Variants in MRC1 observed in about 807,000 individuals in gnomAD.
MRC1 encodes macrophage mannose receptor 1.
In MRC1, 62 loss-of-function variants were observed where a neutral mutation model predicts 102.9. The observed-to-expected ratio is 0.60, with a 90% CI of 0.49 to 0.74. The LOEUF is 0.74. Among genes scored for constraint, MRC1 ranks in the 30% least tolerant of loss-of-function variants. The pLI is 0.00. For missense variants in MRC1, 1,237 were observed against 862.8 expected, an observed-to-expected ratio of 1.43 and a Z score of -5.43; for synonymous variants, 457 against 298.4, an observed-to-expected ratio of 1.53 and a Z score of -5.48.
intron 4 of MRC1, among the ~76,000 whole-genome samples, chr10:17,834,480 T>G (rs1179002441): frequency 2.0e-5 from 3 of 152,208 alleles, no homozygotes; most frequent in Non-Finnish European, 4.4e-5. Context: ...TGACGCAATC[T>G]CAGCTCACTG....
At chr10:17,871,399 C>T (rs1020182656) in intron 14 of MRC1, among the ~76,000 whole-genome samples, 12 of 152,088 alleles carry the variant, frequency 7.9e-5, no homozygotes, top group South Asian at 4.1e-4. Flanking sequence ...AACACATCAC[C>T]GTGCTTAGTC....
intron 17 of MRC1, among the ~76,000 whole-genome samples, chr10:17,876,840 A>AT (rs1379473992): frequency 2.8e-4 from 42 of 152,088 alleles, no homozygotes; most frequent in African/African-American, 9.9e-4. Flanking sequence ...GGTATAATTT[A>AT]TTTTTTCCAA....
chr10:17,864,295 G>A (rs1457006273), intron 11 of MRC1, among the ~76,000 whole-genome samples: 2 of 152,112 alleles, frequency 1.3e-5, no homozygotes, highest in African/African-American at 2.4e-5. Flanking sequence ...GAGCCACTGC[G>A]CATGTCCTGT....
intron 10 of MRC1, among the ~76,000 whole-genome samples, chr10:17,861,837 A>G (rs966744390): frequency 2.8e-4 from 42 of 152,142 alleles, no homozygotes; most frequent in Non-Finnish European, 5.0e-4. Context: ...GCTCAAAATC[A>G]CGTTATATCT....
At chr10:17,876,401 C>G (rs949725652) in intron 17 of MRC1, among the ~76,000 whole-genome samples, 1 of 152,062 alleles carries the variant, frequency 6.6e-6, no homozygotes, top group Non-Finnish European at 1.5e-5. Flanking sequence ...GCGCACACCA[C>G]CATGCCTGGC....
intron 1 of MRC1, among the ~76,000 whole-genome samples, chr10:17,815,318 T>C (rs1219005035): frequency 6.6e-6 from 1 of 152,166 alleles, no homozygotes. Flanking sequence ...CAGATTGACA[T>C]GATACATACA....
At chr10:17,860,411 G>A (rs1032998015) in intron 9 of MRC1, among the ~76,000 whole-genome samples, 8 of 151,888 alleles carry the variant, frequency 5.3e-5, no homozygotes, top group Non-Finnish European at 1.0e-4. Context: ...GAGTAGCTGG[G>A]ACTACAGGCA....
chr10:17,853,142 A>G lies in MRC1; in HGVS notation c.1407+18A>G. 2 of 780,252 alleles carry G rather than the reference A, an allele frequency of 2.6e-6. No homozygotes were observed. The highest frequency in any genetic ancestry group is 4.8e-6 in the Non-Finnish European group (2 of 417,460). The allele number at this position is 780,252 out of a possible 1,614,324, so 48.3% of individuals were successfully genotyped here. A position where few individuals can be genotyped will look rare whatever the true frequency, so the allele number is the denominator to read the frequency against. ...AAGGCAAGGTAAGGCCACTTGAATG[A>G]CTGATATTTATAATGAAAGTCACGG... On this transcript the variant is annotated intron_variant, in intron 8 of 29. Transcript: ENST00000569591.
At chr10:17,840,651 C>A (rs1838736440) in intron 4 of MRC1, 42 bp from the exon 5 acceptor site, 1 of 778,036 alleles carries the variant, frequency 1.3e-6, no homozygotes, top group Non-Finnish European at 2.4e-6. Context: ...TTTCTGAATG[C>A]CAAGTTCTTG....
chr10:17,881,670 AT>A lies in MRC1; in HGVS notation c.2980+512del, dbSNP rs1184943960. On this transcript the variant is annotated intron_variant, in intron 21 of 29. Transcript: ENST00000569591. The stretch of plus-strand genomic sequence containing the variant: ...AAATATGAACTTTGAACAAATTTTG[AT>A]TTTTTTTTTTTTTTTTTTTTTTGGT... Among the ~76,000 whole-genome samples, 106 of 102,758 alleles carry A rather than the reference AT, an allele frequency of 1.0e-3. No individual in the cohort carries two copies. In the East Asian group the frequency reaches 0.02, roughly 19 times the overall value. 67.4% of individuals were successfully genotyped at this position (102,758 alleles called of 152,430 possible).
At chr10:17,835,078 T>A (rs1287577020) in intron 4 of MRC1, among the ~76,000 whole-genome samples, 1 of 152,232 alleles carries the variant, frequency 6.6e-6, no homozygotes, top group Non-Finnish European at 1.5e-5. Context: ...GTCTTGCATT[T>A]TGCGGTCACA....
At chr10:17,845,970 C>T (rs566310117) in intron 6 of MRC1, among the ~76,000 whole-genome samples, 8 of 152,172 alleles carry the variant, frequency 5.3e-5, no homozygotes, top group Non-Finnish European at 1.0e-4. Flanking sequence ...AGTACAATGG[C>T]GCGATCTCAG....
At chr10:17,840,206 A>C (rs1350046566) in intron 4 of MRC1, among the ~76,000 whole-genome samples, 1 of 152,126 alleles carries the variant, frequency 6.6e-6, no homozygotes. Flanking sequence ...TGATTTCTTC[A>C]CTGCTTAAGC....
chr10:17,828,162 C>G (rs565407086), intron 3 of MRC1, among the ~76,000 whole-genome samples: 1 of 152,168 alleles, frequency 6.6e-6, no homozygotes, highest in Non-Finnish European at 1.5e-5. Context: ...CTGCAAGCTC[C>G]GCCTCCCGAG....
rs782385183 is a variant in MRC1, at chr10:17,833,759, A to C, written c.722A>C (p.His241Pro). 6.4e-6 allele frequency: 5 copies of C among 780,984 alleles called. No homozygotes were observed. The highest frequency in any genetic ancestry group is 1.2e-5 in the Non-Finnish European group (5 of 418,142). 48.4% of individuals were successfully genotyped at this position (780,984 alleles called of 1,614,324 possible). A position where few individuals can be genotyped will look rare whatever the true frequency, so the allele number is the denominator to read the frequency against. ...QINSKSALTWHQARKSCQQQN... is the reference protein window; with the variant it reads ...QINSKSALTWPQARKSCQQQN... ...AACTCCAAATCCGCTTTAACGTGGC[A>C]CCAGGCGAGGAAAAGCTGCCAACAA... The change falls in exon 4 of 30, where the codon CAC becomes CCC. Residue 241 changes from histidine (H) to proline (P), a missense_variant. Transcript: ENST00000569591.
intron 8 of MRC1, among the ~76,000 whole-genome samples, chr10:17,853,376 A>C (rs1327281156): frequency 6.6e-6 from 1 of 152,122 alleles, no homozygotes; most frequent in East Asian, 1.9e-4. Flanking sequence ...CCTGTAATGA[A>C]TACTCATATT....
intron 23 of MRC1, among the ~76,000 whole-genome samples, chr10:17,896,455 G>A (rs1833756844): frequency 6.6e-6 from 1 of 152,140 alleles, no homozygotes; most frequent in South Asian, 2.1e-4. Context: ...GACAAGAGGG[G>A]ACACTCCTTC....
intron 7 of MRC1, 85 bp from the exon 8 acceptor site, chr10:17,852,882 A>G (rs1232975809): frequency 2.3e-5 from 18 of 778,716 alleles, no homozygotes; most frequent in African/African-American, 3.4e-5. Flanking sequence ...CCTGTTGATA[A>G]AGCAGAGTGC....
intron 16 of MRC1, among the ~76,000 whole-genome samples, chr10:17,874,407 C>T (rs903521340): frequency 4.3e-4 from 65 of 152,324 alleles, no homozygotes; most frequent in African/African-American, 1.5e-3. Flanking sequence ...CGCCCCTCTG[C>T]ATAAGGATAC....
Sources: allele counts gnomAD v4.1 joint callset (sites outside exome capture counted in the v4.1 genomes callset), GRCh38; gene constraint gnomAD v4.1.1; transcripts MANE v1.5; gene names NCBI Gene and HGNC (gene_info 2026-07-23, HGNC 2026-07-21).